Variants in PHACTR1 observed in about 807,000 individuals in gnomAD.
The protein encoded by PHACTR1 is RPEL repeat containing 1.
In PHACTR1, 16 loss-of-function variants were observed where a neutral mutation model predicts 69.2. The observed-to-expected ratio is 0.23, with a 90% CI of 0.16 to 0.35. The LOEUF (loss-of-function observed/expected upper bound fraction) is 0.35, where lower values mean the gene tolerates loss of function less well. Among genes scored for constraint, PHACTR1 ranks in the 10% least tolerant of loss-of-function variants. The pLI is 1.00. For missense variants in PHACTR1, 510 were observed against 734.7 expected, an observed-to-expected ratio of 0.69 and a Z score of 3.54; for synonymous variants, 312 against 284.5, an observed-to-expected ratio of 1.10 and a Z score of -0.97.
At chr6:13,213,286 T>A (rs972310854) in intron 8 of PHACTR1, among the ~76,000 whole-genome samples, 1 of 152,258 alleles carries the variant, frequency 6.6e-6, no homozygotes, top group African/African-American at 2.4e-5. Context: ...TCTAACAATT[T>A]GAACTGTTCC....
Position 13,246,637 on chromosome 6 carries a change from C to T in PHACTR1, c.1391+16444C>T, listed in dbSNP as rs1477743344. ...CATTTCCAGTCTATAATTTCCATTGCATATAGTGCTCTTTCTCCCTCACCC... is the reference window on the plus strand; with the variant it reads ...CATTTCCAGTCTATAATTTCCATTGTATATAGTGCTCTTTCTCCCTCACCC... On this transcript the variant is annotated intron_variant, in intron 10 of 14. Transcript: ENST00000332995. This position sits in a 1 kb window ranked among gnomAD's most constrained non-coding sequence, Gnocchi z 4.2. Among the ~76,000 whole-genome samples, 1 of 152,126 alleles carries T rather than the reference C, an allele frequency of 6.6e-6. No homozygotes were observed. Among genetic ancestry groups the T allele is most frequent in the Non-Finnish European group, 1.5e-5 (1 of 68,022 alleles).
chr6:13,124,737 G>A (rs1819257441), intron 5 of PHACTR1, among the ~76,000 whole-genome samples: 1 of 152,180 alleles, frequency 6.6e-6, no homozygotes, highest in Non-Finnish European at 1.5e-5. Flanking sequence ...GTGGGGTTCT[G>A]GTAAGGGCTC....
intron 5 of PHACTR1, among the ~76,000 whole-genome samples, chr6:13,151,706 A>G (rs969338304): frequency 6.6e-6 from 1 of 152,202 alleles, no homozygotes. Context: ...GTAGAACAAC[A>G]TGCATAGAAT....
At position 12,871,815 on chromosome 6, in the gene PHACTR1, A is replaced by G. The variant is rs561676241; in HGVS notation, c.250+122025A>G. Among the ~76,000 whole-genome samples the G allele has an allele frequency of 3.0e-4, 45 of 152,320 alleles. No individual in the cohort carries two copies. In the South Asian group the frequency reaches 9.1e-3, roughly 31 times the overall value. ...TAGATTCACTATTTTATTAGCAGTT[A>G]GAAATTGTTATTTAATAATTCTCCC... On this transcript the variant is annotated intron_variant, in intron 4 of 14. Coordinates refer to ENST00000332995, the MANE Select transcript of PHACTR1 (RefSeq NM_030948.6).
At chr6:13,100,238 G>T (rs982065855) in intron 5 of PHACTR1, among the ~76,000 whole-genome samples, 1 of 152,100 alleles carries the variant, frequency 6.6e-6, no homozygotes, top group Non-Finnish European at 1.5e-5. Flanking sequence ...AGGTAAACTT[G>T]TTATTTTTAT....
chr6:13,178,895 A>G (rs1460783313), intron 6 of PHACTR1, among the ~76,000 whole-genome samples: 5 of 152,124 alleles, frequency 3.3e-5, no homozygotes, highest in Non-Finnish European at 7.4e-5. Flanking sequence ...CCTGGGGAGA[A>G]TTTTTTAATA....
At chr6:12,912,884 G>A (rs1191431403) in intron 4 of PHACTR1, among the ~76,000 whole-genome samples, 3 of 152,304 alleles carry the variant, frequency 2.0e-5, no homozygotes, top group Admixed American at 2.0e-4. Flanking sequence ...AGCCCCAGAG[G>A]CCAAGGCTGC....
chr6:12,873,356 T>G (rs2127444085), intron 4 of PHACTR1, among the ~76,000 whole-genome samples: 1 of 152,036 alleles, frequency 6.6e-6, no homozygotes, highest in Middle Eastern at 3.4e-3. Context: ...GGATCAGAGA[T>G]GAAAAAAGCA....
At chr6:12,948,487 G>A (rs1790918900) in intron 4 of PHACTR1, among the ~76,000 whole-genome samples, 1 of 152,166 alleles carries the variant, frequency 6.6e-6, no homozygotes, top group South Asian at 2.1e-4. Flanking sequence ...TAAGATGTAT[G>A]CCTTCTCTGT....
At chr6:13,022,100 T>C (rs1236546682) in intron 4 of PHACTR1, among the ~76,000 whole-genome samples, 5 of 152,258 alleles carry the variant, frequency 3.3e-5, no homozygotes, top group African/African-American at 1.2e-4. Flanking sequence ...AGTGACTGTT[T>C]ATTTTGGCCA....
intron 4 of PHACTR1, among the ~76,000 whole-genome samples, chr6:13,033,195 T>G (rs531520469): frequency 2.0e-5 from 3 of 152,210 alleles, no homozygotes; most frequent in Non-Finnish European, 4.4e-5. Flanking sequence ...TTAAACTCTC[T>G]TATTTAAACT....
At chr6:12,765,566 T>A (rs1445930133) in intron 4 of PHACTR1, among the ~76,000 whole-genome samples, 2 of 152,182 alleles carry the variant, frequency 1.3e-5, no homozygotes, top group African/African-American at 2.4e-5. Context: ...ATATATCTGG[T>A]CCTTGATTTA....
At chr6:12,750,991 TGTGCGCGTGC>T (rs1017712454) in intron 4 of PHACTR1, among the ~76,000 whole-genome samples, 5 of 152,122 alleles carry the variant, frequency 3.3e-5, no homozygotes, top group Admixed American at 1.3e-4. Flanking sequence ...TGTGTGTGTG[TGTGCGCGTGC>T]GTGCGCGTGC....
At chr6:12,993,958 C>T (rs753654256) in intron 4 of PHACTR1, among the ~76,000 whole-genome samples, 5 of 151,886 alleles carry the variant, frequency 3.3e-5, no homozygotes, top group Non-Finnish European at 7.4e-5. Context: ...TCAGCAGATT[C>T]AACAAATGAA....
chr6:12,762,313 G>T (rs1768109607), intron 4 of PHACTR1, among the ~76,000 whole-genome samples: 1 of 151,990 alleles, frequency 6.6e-6, no homozygotes, highest in African/African-American at 2.4e-5. Flanking sequence ...AATTGTCTGG[G>T]GCTGGAGCTG....
At chr6:12,993,756 A>G (rs1028092970) in intron 4 of PHACTR1, among the ~76,000 whole-genome samples, 2 of 152,242 alleles carry the variant, frequency 1.3e-5, no homozygotes, top group Non-Finnish European at 2.9e-5. Context: ...CCAAATTTTT[A>G]GTACCCAGAG....
chr6:13,274,087 T>C (rs1253395178), intron 11 of PHACTR1: 1 of 152,264 alleles, frequency 6.6e-6, no homozygotes, highest in Non-Finnish European at 1.5e-5. Flanking sequence ...GGTTCCGCTT[T>C]GGTGGGGAGA....
At chr6:12,987,368 G>T (rs1398073615) in intron 4 of PHACTR1, among the ~76,000 whole-genome samples, 2 of 152,268 alleles carry the variant, frequency 1.3e-5, no homozygotes, top group East Asian at 1.9e-4. Context: ...TTAATGAAAG[G>T]CTTTGTAGAA....
chr6:12,836,383 A>T (rs985664073), intron 4 of PHACTR1, among the ~76,000 whole-genome samples: 2 of 152,200 alleles, frequency 1.3e-5, no homozygotes, highest in African/African-American at 4.8e-5. Flanking sequence ...AACCTAAAGA[A>T]ATCAAAGTCA....
Sources: gnomAD v4.1 joint callset for allele counts (sites outside exome capture counted in the v4.1 genomes callset) on GRCh38, gnomAD v4.1.1 for gene constraint, Gnocchi (gnomAD v3.1) non-coding constraint, MANE v1.5 for transcripts, NCBI Gene and HGNC (gene_info 2026-07-23, HGNC 2026-07-21) for gene names.